ATXN10: variants seen among roughly 807,000 people sequenced by gnomAD.
The protein encoded by ATXN10 is ataxin-10.
ATXN10 carries 28 observed loss-of-function variants against 52.9 expected under a neutral mutation model. The observed-to-expected ratio is 0.53, with a 90% CI of 0.39 to 0.73. ATXN10 has a LOEUF of 0.73. Ranked by LOEUF, ATXN10 falls within the 30% of genes least tolerant of loss-of-function variation. The pLI is 0.00. For missense variants in ATXN10, 565 were observed against 577.0 expected (o/e 0.98, Z 0.21); for synonymous variants, 226 against 221.5 (o/e 1.02, Z -0.18).
In ATXN10 at chr22:45,754,946, C is replaced by G. The variant is rs1372172976; in HGVS notation, c.1173+14408C>G. Among the ~76,000 whole-genome samples the G allele has an allele frequency of 6.6e-6, 1 of 152,230 alleles. No homozygotes were observed. Among genetic ancestry groups the G allele is most frequent in the Non-Finnish European group, 1.5e-5 (1 of 68,042 alleles). ...AGTATGAGAAGCATGAGGTCCATGC[C>G]TGTTCCTTCTCTGCCTGTGAGCTGC... On this transcript the variant is annotated intron_variant, in intron 9 of 11. Transcript: ENST00000252934. The surrounding 1 kb of genome is among the most constrained non-coding windows in gnomAD (Gnocchi z 5.4).
rs73889610 is a variant in ATXN10 at position 45,772,114 on chromosome 22, C to T, written c.1173+31576C>T. 9.0e-3 allele frequency among the ~76,000 whole-genome samples: 1,366 copies of T among 152,276 alleles called. 32 individuals are homozygous for T. Among genetic ancestry groups the T allele is most frequent in the African/African-American group, 0.032 (1,311 of 41,544 alleles). ...TTATCAATTTTTTTCTTTTATGAATCATACTTTTTGTGTCATTTCAAGAAC... is the reference window on the plus strand; with the variant it reads ...TTATCAATTTTTTTCTTTTATGAATTATACTTTTTGTGTCATTTCAAGAAC... On this transcript the variant is annotated intron_variant, in intron 9 of 11. Coordinates refer to ENST00000252934, the MANE Select transcript of ATXN10 (RefSeq NM_013236.4). The surrounding 1 kb of genome is among the most constrained non-coding windows in gnomAD (Gnocchi z 4.1).
intron 9 of ATXN10, among the ~76,000 whole-genome samples, chr22:45,791,752 G>A (rs1927518973): frequency 6.6e-6 from 1 of 152,056 alleles, no homozygotes; most frequent in Non-Finnish European, 1.5e-5. Flanking sequence ...CTTTACAGTG[G>A]TCTGTCTTTC....
chr22:45,699,467 C>CTTTTTTTTTTTT (rs11378331), intron 3 of ATXN10, among the ~76,000 whole-genome samples: 1 of 119,886 alleles, frequency 8.3e-6, no homozygotes, highest in East Asian at 2.3e-4. Context: ...CAGTAGAAAT[C>CTTTTTTTTTTTT]TTTTTTTTTT....
rs556180900 is a variant in ATXN10, at chr22:45,833,837, C to T, written c.1238-9154C>T. On this transcript the variant is annotated intron_variant, in intron 10 of 11. Transcript: ENST00000252934. This position sits in a 1 kb window ranked among gnomAD's most constrained non-coding sequence, Gnocchi z 4.3. ...CAGAGGTCTCTCTGGATGGACTGGT[C>T]GCGAGAGCACACTTAGCAGCGATAC... 8.5e-5 allele frequency among the ~76,000 whole-genome samples: 13 copies of T among 152,244 alleles called. No individual in the cohort carries two copies. The highest frequency in any genetic ancestry group is 1.2e-4 in the Non-Finnish European group (8 of 68,010).
At chr22:45,742,669 G>A (rs185651876) in intron 9 of ATXN10, among the ~76,000 whole-genome samples, 24 of 152,228 alleles carry the variant, frequency 1.6e-4, no homozygotes, top group Admixed American at 3.9e-4. Flanking sequence ...TAAAACGGCC[G>A]CTTTAGGATG....
At position 45,757,805 on chromosome 22, in the gene ATXN10, A is replaced by G. The variant is rs1005385715; in HGVS notation, c.1173+17267A>G. Among the ~76,000 whole-genome samples, 1 of 152,160 alleles carries G rather than the reference A, an allele frequency of 6.6e-6. No individual in the cohort carries two copies. The highest frequency in any genetic ancestry group is 6.5e-5 in the Admixed American group (1 of 15,280). On this transcript the variant is annotated intron_variant, in intron 9 of 11. Transcript: ENST00000252934. This position sits in a 1 kb window ranked among gnomAD's most constrained non-coding sequence, Gnocchi z 4.6. ...CTTTTAAGAATTATTCTCTATTAGT[A>G]CTTTTCTTACATGATTCAACTTGGA...
At position 45,718,521 on chromosome 22, in the gene ATXN10, G is replaced by A; in HGVS notation, c.728+28G>A. ...AACCCCCCAACCAGCGTGGTCTGGA[G>A]TATTTAGCATTCCATATAGGGTATT... On this transcript the variant is annotated intron_variant, in intron 6 of 11. Transcript: ENST00000252934. The surrounding 1 kb of genome is among the most constrained non-coding windows in gnomAD (Gnocchi z 4.4). The A allele has an allele frequency of 6.3e-7, 1 of 1,578,558 alleles. No individual in the cohort carries two copies. The highest frequency in any genetic ancestry group is 8.7e-7 in the Non-Finnish European group (1 of 1,147,818).
At position 45,772,405 on chromosome 22, in the gene ATXN10, C is replaced by T. The variant is rs1391604217; in HGVS notation, c.1173+31867C>T. ...GGCCCAATTTGTGTGGGTCTGTTTC[C>T]AGATATGCTATTTTGTTCGTCGATA... is the stretch of plus-strand genomic sequence containing the variant. On this transcript the variant is annotated intron_variant, in intron 9 of 11. Transcript: ENST00000252934. The surrounding 1 kb of genome is among the most constrained non-coding windows in gnomAD (Gnocchi z 4.1). Among the ~76,000 whole-genome samples the T allele has an allele frequency of 4.6e-5, 7 of 152,122 alleles. No homozygotes were observed. The highest frequency in any genetic ancestry group is 1.7e-4 in the African/African-American group (7 of 41,430).
intron 9 of ATXN10, among the ~76,000 whole-genome samples, chr22:45,751,739 GGAAA>G (rs1356902441): frequency 3.7e-3 from 52 of 14,106 alleles, no homozygotes; most frequent in African/African-American, 0.014. Context: ...ACCTTTTTCT[GGAAA>G]AAAAAAAAAA....
At chr22:45,829,066 A>C (rs1193360079) in intron 10 of ATXN10, among the ~76,000 whole-genome samples, 2 of 152,250 alleles carry the variant, frequency 1.3e-5, no homozygotes, top group East Asian at 3.8e-4. Flanking sequence ...GGGTGGTTCA[A>C]CATACTGAAA....
chr22:45,832,536 G>A (rs1190550918), intron 10 of ATXN10, among the ~76,000 whole-genome samples: 1 of 152,178 alleles, frequency 6.6e-6, no homozygotes, highest in African/African-American at 2.4e-5. Context: ...TTGGTTTAGG[G>A]CCTGCCTCTG....
At chr22:45,832,038 A>T (rs112372782) in intron 10 of ATXN10, among the ~76,000 whole-genome samples, 276 of 152,334 alleles carry the variant, frequency 1.8e-3, no homozygotes, top group African/African-American at 5.9e-3. Flanking sequence ...TGCGGCTTGT[A>T]AAGTGGCAGA....
rs374941228 is a variant in ATXN10, at chr22:45,794,309, C to A, written c.1174-12650C>A. 9.2e-5 allele frequency among the ~76,000 whole-genome samples: 14 copies of A among 152,008 alleles called. No individual in the cohort carries two copies. In the East Asian group the frequency reaches 1.2e-3, roughly 13 times the overall value. ...TTGTATCCAAGCCTTTGATTTTTTT[C>A]TGTCAATTTTAACATTTTCTGTCTC... On this transcript the variant is annotated intron_variant, in intron 9 of 11. Transcript: ENST00000252934.
chr22:45,779,155 C>CT lies in ATXN10; in HGVS notation c.1174-27802dup, dbSNP rs548055740. ...TCTTCTCTCCTGCAAGAAGCCACCA[C>CT]TTCTTCCCTTTCATAATGAAGCAAC... On this transcript the variant is annotated intron_variant, in intron 9 of 11. Transcript: ENST00000252934. Among the ~76,000 whole-genome samples, 15 of 152,316 alleles carry CT rather than the reference C, an allele frequency of 9.8e-5. No individual in the cohort carries two copies. In the South Asian group the frequency reaches 3.1e-3, roughly 32 times the overall value.
Position 45,690,413 on chromosome 22 carries a change from A to G in ATXN10, c.308+510A>G, listed in dbSNP as rs1923326035. On this transcript the variant is annotated intron_variant, in intron 2 of 11. Coordinates refer to ENST00000252934, the MANE Select transcript of ATXN10 (RefSeq NM_013236.4). The surrounding 1 kb of genome is among the most constrained non-coding windows in gnomAD (Gnocchi z 4.5). ...GTCTCTCTGACTAGTGTATAAAATA[A>G]TGGAGTGTGTTTAACATTAGGGGTT... 6.6e-6 allele frequency among the ~76,000 whole-genome samples: 1 copy of G among 152,152 alleles called. No individual in the cohort carries two copies. The highest frequency in any genetic ancestry group is 1.5e-5 in the Non-Finnish European group (1 of 68,026).
At position 45,774,998 on chromosome 22, in the gene ATXN10, T is replaced by G. The variant is rs538438204; in HGVS notation, c.1174-31961T>G. 1.3e-5 allele frequency among the ~76,000 whole-genome samples: 2 copies of G among 152,328 alleles called. No homozygotes were observed. Among genetic ancestry groups the G allele is most frequent in the African/African-American group, 4.8e-5 (2 of 41,566 alleles). On this transcript the variant is annotated intron_variant, in intron 9 of 11. Transcript: ENST00000252934. The surrounding 1 kb of genome is among the most constrained non-coding windows in gnomAD (Gnocchi z 6.2). Reference sequence around the variant, plus strand: ...CGGAGAAACACTAAAGTTTTTTGTTTGTTTGTTTTGCCTTTTCCCCATCCC... The same window carrying G: ...CGGAGAAACACTAAAGTTTTTTGTTGGTTTGTTTTGCCTTTTCCCCATCCC...
intron 9 of ATXN10, among the ~76,000 whole-genome samples, chr22:45,755,749 G>T (rs981391836): frequency 1.3e-5 from 2 of 152,166 alleles, no homozygotes; most frequent in East Asian, 1.9e-4. Flanking sequence ...CAACAGTAGT[G>T]CAGGGGAGCA....
chr22:45,785,364 A>G (rs1374488618), intron 9 of ATXN10, among the ~76,000 whole-genome samples: 1 of 152,216 alleles, frequency 6.6e-6, no homozygotes, highest in Non-Finnish European at 1.5e-5. Context: ...TTGCCTAATT[A>G]AACTGTCTTA....
rs1382170553 is a variant in ATXN10, at chr22:45,689,906, AGTT to A, written c.308+4_308+6del. The A allele has an allele frequency of 1.7e-5, 27 of 1,613,538 alleles. No individual in the cohort carries two copies. The highest frequency in any genetic ancestry group is 2.2e-5 in the Non-Finnish European group (26 of 1,179,710). ...TCTGTGAACCAGAATTCAATCAGGT[AGTT>A]ACACACGTACCTTGGATTCTGTTTC... is the stretch of plus-strand genomic sequence containing the variant. On this transcript the variant is annotated splice_donor_5th_base_variant and intron_variant, in intron 2 of 11. Transcript: ENST00000252934.
Sources: allele counts gnomAD v4.1 joint callset (sites outside exome capture counted in the v4.1 genomes callset), GRCh38; gene constraint gnomAD v4.1.1; non-coding constraint Gnocchi (gnomAD v3.1); transcripts MANE v1.5; gene names NCBI Gene and HGNC (gene_info 2026-07-23, HGNC 2026-07-21).